Variants in HACL1 observed in about 807,000 individuals in gnomAD.
HACL1 encodes the protein 1600020H07Rik.
HACL1 carries 64 observed loss-of-function variants against 74.2 expected under a neutral mutation model. That is an observed-to-expected ratio of 0.86 (90% CI 0.70 to 1.06). The LOEUF (loss-of-function observed/expected upper bound fraction) is 1.06. HACL1 is among the 50% of genes least tolerant of loss of function. The pLI is 0.00. For synonymous variants in HACL1, 230 were observed against 238.8 expected, an observed-to-expected ratio of 0.96 and a Z score of 0.34; for missense variants, 728 against 719.7, an observed-to-expected ratio of 1.01 and a Z score of -0.13.
intron 2 of HACL1, among the ~76,000 whole-genome samples, chr3:15,598,451 C>T (rs1574951862): frequency 6.6e-6 from 1 of 152,196 alleles, no homozygotes; most frequent in Non-Finnish European, 1.5e-5. Flanking sequence ...TCCCAGCTTC[C>T]CCACTTTCTA....
chr3:15,561,658 T>C (rs1333321415), intron 16 of HACL1, among the ~76,000 whole-genome samples: 1 of 152,164 alleles, frequency 6.6e-6, no homozygotes, highest in East Asian at 1.9e-4. Context: ...TTTTCTGTGA[T>C]TAACATAGGT....
chr3:15,574,275 G>A (rs1466724196), intron 10 of HACL1, among the ~76,000 whole-genome samples: 2 of 152,212 alleles, frequency 1.3e-5, no homozygotes, highest in East Asian at 3.8e-4. Flanking sequence ...AGCTGAGGCA[G>A]GAGGATCACT....
intron 4 of HACL1, among the ~76,000 whole-genome samples, chr3:15,590,707 AT>A (rs1049381805): frequency 1.8e-4 from 28 of 152,382 alleles, no homozygotes; most frequent in African/African-American, 6.7e-4. Context: ...CTTTAAAAAA[AT>A]AATTCTTCAC....
rs1324663998 is a variant in HACL1 at position 15,582,900 on chromosome 3, T to G, written c.644A>C (p.Gln215Pro). The G allele has an allele frequency of 6.3e-7, 1 of 1,598,316 alleles. No individual in the cohort carries two copies. Among genetic ancestry groups the G allele is most frequent in the Non-Finnish European group, 8.6e-7 (1 of 1,165,952 alleles). Residue 215 changes from glutamine to proline, a missense_variant, in exon 8 of 17, where the codon CAA (glutamine) becomes CCA (proline). Gln to Pro is a moderately conservative substitution (Grantham distance 76). Transcript: ENST00000321169. ...ACCTTTCCCGATGATAAGAAGGGGT[T>G]GTTTGGCATTCCTAATAACAGAAGC... Reference protein sequence around the residue: ...TAASVIRNAKQPLLIIGKGAA... With the variant: ...TAASVIRNAKPPLLIIGKGAA...
chr3:15,563,287 G>A (rs2063376134), intron 16 of HACL1, 71 bp downstream of exon 16: 1 of 1,006,648 alleles, frequency 9.9e-7, no homozygotes, highest in Non-Finnish European at 1.5e-6. Flanking sequence ...GTTCTGTTTG[G>A]TAGATACTTT....
chr3:15,595,360 A>T (rs1278331830), intron 3 of HACL1, among the ~76,000 whole-genome samples: 1 of 152,156 alleles, frequency 6.6e-6, no homozygotes, highest in Non-Finnish European at 1.5e-5. Flanking sequence ...AAAAAAAACT[A>T]TTCTGGTGAG....
At chr3:15,571,593 A>G in intron 12 of HACL1, 75 bp downstream of exon 12, 2 of 789,112 alleles carry the variant, frequency 2.5e-6, no homozygotes, top group East Asian at 4.9e-5. Flanking sequence ...TTAGGAATGC[A>G]CATGTCACAT....
chr3:15,596,571 A>C lies in HACL1; in HGVS notation c.187-147T>G, dbSNP rs2064069478. On this transcript the variant is annotated intron_variant, in intron 2 of 16. Coordinates refer to ENST00000321169, the MANE Select transcript of HACL1 (RefSeq NM_012260.4). ...AACCTTAGTAATAAATGTTCTACAC[A>C]TAAATTTCAAATAATGGTTATCTAA... is the stretch of plus-strand genomic sequence containing the variant. The C allele has an allele frequency of 5.1e-6, 3 of 585,342 alleles. No individual in the cohort carries two copies. The South Asian group carries it at 7.0e-5, about 14-fold the overall frequency. The allele number at this position is 585,342 out of a possible 1,614,324, so 36.3% of individuals were successfully genotyped here.
chr3:15,601,132 C>A lies in HACL1; in HGVS notation c.144G>T (p.Gln48His). The change falls in exon 2 of 17, where the codon CAG (glutamine) becomes CAT (histidine). Residue 48 changes from glutamine to histidine, a missense_variant. Gln to His is a conservative substitution (Grantham distance 24, BLOSUM62 0). Coordinates refer to ENST00000321169, the MANE Select transcript of HACL1 (RefSeq NM_012260.4). ...IPVTEIAIAAQQLGIKYIGMR... is the reference protein window; with the variant it reads ...IPVTEIAIAAHQLGIKYIGMR... ...TCCCGATGTACTTGATGCCTAGCTG[C>A]TGGGCAGCAATGGCGATTTCGGTCA... 1.2e-6 allele frequency: 2 copies of A among 1,613,958 alleles called. No homozygotes were observed. The highest frequency in any genetic ancestry group is 1.7e-6 in the Non-Finnish European group (2 of 1,179,788).
chr3:15,588,717 A>T (rs2063835847), intron 5 of HACL1, among the ~76,000 whole-genome samples: 1 of 151,998 alleles, frequency 6.6e-6, no homozygotes, highest in Admixed American at 6.6e-5. Flanking sequence ...GTAGCTGAGT[A>T]GCTAGGAATA....
In HACL1 at chr3:15,589,509, T is replaced by TA. The variant is rs752857397; in HGVS notation, c.381+30dup. The TA allele has an allele frequency of 1.3e-4, 187 of 1,424,870 alleles. 1 individual carries two copies. Among genetic ancestry groups the TA allele is most frequent in the East Asian group, 1.2e-3 (53 of 43,886 alleles). 88.3% of individuals were successfully genotyped at this position (1,424,870 alleles called of 1,614,324 possible). On this transcript the variant is annotated intron_variant, in intron 5 of 16. Transcript: ENST00000321169. ...AAGATCCTGTTTCAAAAATTAAAAA[T>TA]AAAAAAAACCAAAATCTTAAAGTTG...
intron 14 of HACL1, among the ~76,000 whole-genome samples, chr3:15,567,569 G>T (rs1344719954): frequency 6.6e-6 from 1 of 152,024 alleles, no homozygotes; most frequent in African/African-American, 2.4e-5. Flanking sequence ...CAGGAAACAA[G>T]CTTCTTTCAG....
rs1332880642 is a variant in HACL1 at position 15,563,371 on chromosome 3, G to A, written c.1691C>T (p.Thr564Ile). The change falls in exon 16 of 17, where the codon ACA becomes ATA. Residue 564 changes from threonine (T) to isoleucine (I), a missense_variant. Physicochemically the swap from Thr to Ile is moderately conservative, Grantham distance 89 (BLOSUM62 -1). Coordinates refer to ENST00000321169, the MANE Select transcript of HACL1 (RefSeq NM_012260.4). ...AACTGTATTTACCTGGGCCTTCCGT[G>A]TGGCTTGTGGCTCAATCATGATGTT... is the stretch of plus-strand genomic sequence containing the variant. Reference protein sequence around the residue: ...LINIMIEPQATRKAQDFHWLT... With the variant: ...LINIMIEPQAIRKAQDFHWLT... 6.2e-7 allele frequency: 1 copy of A among 1,612,206 alleles called. No individual in the cohort carries two copies. Among genetic ancestry groups the A allele is most frequent in the Admixed American group, 1.7e-5 (1 of 59,870 alleles).
At chr3:15,576,894 TAACA>T (rs1287347911) in intron 9 of HACL1, among the ~76,000 whole-genome samples, 1 of 152,172 alleles carries the variant, frequency 6.6e-6, no homozygotes, top group Non-Finnish European at 1.5e-5. Flanking sequence ...AGACCCAATT[TAACA>T]AACAGATAAC....
At chr3:15,593,796 CTTTTTTTTTT>C (rs1322426326) in intron 3 of HACL1, among the ~76,000 whole-genome samples, 1 of 111,368 alleles carries the variant, frequency 9.0e-6, no homozygotes, top group South Asian at 2.9e-4. Flanking sequence ...TTTTTTTTGT[CTTTTTTTTTT>C]TTTTTTTTGA....
At chr3:15,588,066 G>C (rs1167024807) in intron 5 of HACL1, among the ~76,000 whole-genome samples, 1 of 151,810 alleles carries the variant, frequency 6.6e-6, no homozygotes, top group African/African-American at 2.4e-5. Context: ...GCTAATTTTT[G>C]TATTTTTAGT....
At chr3:15,600,164 G>A (rs917279111) in intron 2 of HACL1, among the ~76,000 whole-genome samples, 2 of 150,426 alleles carry the variant, frequency 1.3e-5, no homozygotes, top group South Asian at 4.1e-4. Context: ...CCACGTGAAA[G>A]CACAAACCAA....
At position 15,564,670 on chromosome 3, in the gene HACL1, G is replaced by C. The variant is rs1340946502; in HGVS notation, c.1410-12C>G. ...TTGGCAAGTTGTACCTAAAGTGAGA[G>C]TAAAATATGAAGGAAATCATTCTTC... On this transcript the variant is annotated splice_polypyrimidine_tract_variant and intron_variant, in intron 14 of 16. Coordinates refer to ENST00000321169, the MANE Select transcript of HACL1 (RefSeq NM_012260.4). The C allele has an allele frequency of 3.7e-6, 4 of 1,075,900 alleles. No individual in the cohort carries two copies. Among genetic ancestry groups the C allele is most frequent in the Non-Finnish European group, 5.6e-6 (4 of 715,330 alleles). The allele number at this position is 1,075,900 out of a possible 1,614,324, so 66.6% of individuals were successfully genotyped here.
At chr3:15,561,048 C>A in intron 16 of HACL1, 151 bp from the exon 17 acceptor site, 1 of 649,262 alleles carries the variant, frequency 1.5e-6, no homozygotes, top group Non-Finnish European at 2.7e-6. Context: ...CCAAAAAGGA[C>A]CTAAAAACCT....
Sources: allele counts gnomAD v4.1 joint callset (sites outside exome capture counted in the v4.1 genomes callset), GRCh38; gene constraint gnomAD v4.1.1; transcripts MANE v1.5; gene names NCBI Gene and HGNC (gene_info 2026-07-23, HGNC 2026-07-21).